Variants in TUB observed in about 807,000 individuals in gnomAD.
TUB encodes the protein TUB bipartite transcription factor.
Under a neutral mutation model 59.7 loss-of-function variants are expected in TUB, and 33 were observed. That is an observed-to-expected ratio of 0.55 (90% CI 0.42 to 0.74). The LOEUF (loss-of-function observed/expected upper bound fraction) is 0.74. Ranked by LOEUF, TUB falls within the 30% of genes least tolerant of loss-of-function variation. The probability of loss-of-function intolerance (pLI) is 0.00; values close to 1 mark genes in which losing one functional copy is unlikely to be tolerated. For synonymous variants in TUB, 293 were observed against 256.4 expected (o/e 1.14, Z -1.36); for missense variants, 659 against 672.0 (o/e 0.98, Z 0.21).
At chr11:8,019,287 G>A (rs1942382215) in exon 1 of TUB, 2 of 1,263,640 alleles carry the variant, frequency 1.6e-6, no homozygotes, top group South Asian at 3.3e-5. Context: ...AGCCCCGAGC[G>A]GAGCCGGAGG....
upstream of TUB, among the ~76,000 whole-genome samples, chr11:8,079,864 G>T (rs572851262): frequency 6.6e-6 from 1 of 152,272 alleles, no homozygotes; most frequent in South Asian, 2.1e-4. Context: ...CTGTGACTCA[G>T]TTCCTCTGCT....
At chr11:8,032,139 C>A (rs554740529) in intron 1 of TUB, among the ~76,000 whole-genome samples, 53 of 152,248 alleles carry the variant, frequency 3.5e-4, no homozygotes, top group South Asian at 1.7e-3. Flanking sequence ...TGGGGAAAGG[C>A]CTGGGGAAAG....
chr11:8,058,478 G>A (rs1943060272), intron 2 of TUB, among the ~76,000 whole-genome samples: 1 of 152,184 alleles, frequency 6.6e-6, no homozygotes, highest in African/African-American at 2.4e-5. Flanking sequence ...TGCACATTAA[G>A]ACCTGGTTTA....
rs113766217 is a variant in TUB, at chr11:8,081,268, C to G, written c.-243C>G. 0.28 allele frequency: 191,639 copies of G among 672,670 alleles called. 28,196 individuals carry two copies. The highest frequency in any genetic ancestry group is 0.39 in the East Asian group (2,849 of 7,372). The allele number at this position is 672,670 out of a possible 1,614,324, so 41.7% of individuals were successfully genotyped here. ...GGTGCGGTCGGCCTCCCCGCCTCCA[C>G]GCGCGCGCACGACCCGCGCACTCCC... On this transcript the variant is annotated 5_prime_UTR_variant, in exon 1 of 12. Coordinates refer to ENST00000299506, the MANE Select transcript of TUB (RefSeq NM_177972.3).
At chr11:8,056,985 CTG>C (rs1161989148) in intron 2 of TUB, among the ~76,000 whole-genome samples, 1 of 152,126 alleles carries the variant, frequency 6.6e-6, no homozygotes, top group African/African-American at 2.4e-5. Context: ...GTTGAGGAAA[CTG>C]AGGCCCACAG....
chr11:8,020,760 G>A (rs1942413028), intron 1 of TUB, among the ~76,000 whole-genome samples: 1 of 152,108 alleles, frequency 6.6e-6, no homozygotes, highest in East Asian at 1.9e-4. Context: ...TGCTCTCCAC[G>A]GAGAAGAACT....
intron 2 of TUB, among the ~76,000 whole-genome samples, chr11:8,043,843 T>C (rs747626120): frequency 2.6e-5 from 4 of 152,208 alleles, no homozygotes; most frequent in African/African-American, 4.8e-5. Flanking sequence ...GATTATGTCT[T>C]GTATGAGTAG....
upstream of TUB, chr11:8,077,711 T>C (rs1943472597): frequency 6.6e-6 from 1 of 152,364 alleles, no homozygotes; most frequent in Non-Finnish European, 1.5e-5. Flanking sequence ...GCCTCTTTTC[T>C]GTGTCCCCTT....
At chr11:8,063,455 G>T (rs984825721) in intron 2 of TUB, among the ~76,000 whole-genome samples, 3 of 152,230 alleles carry the variant, frequency 2.0e-5, no homozygotes, top group South Asian at 2.1e-4. Flanking sequence ...GGTTGAAGCT[G>T]GAGTCAGGCC....
At chr11:8,039,096 T>G in intron 1 of TUB, 1 of 1,559,664 alleles carries the variant, frequency 6.4e-7, no homozygotes, top group Non-Finnish European at 8.7e-7. Flanking sequence ...CCACCCACCC[T>G]CACTGACCTC....
At chr11:8,083,953 G>A (rs1943618958) in intron 1 of TUB, among the ~76,000 whole-genome samples, 1 of 152,170 alleles carries the variant, frequency 6.6e-6, no homozygotes, top group African/African-American at 2.4e-5. Flanking sequence ...GCATTAACTG[G>A]GCTGCTGATT....
At chr11:8,086,741 C>T (rs1240372074) in intron 1 of TUB, among the ~76,000 whole-genome samples, 2 of 152,126 alleles carry the variant, frequency 1.3e-5, no homozygotes, top group Non-Finnish European at 2.9e-5. Context: ...CCCCGGTGGC[C>T]GCCCCCCAGC....
chr11:8,049,586 G>A (rs78725703), intron 2 of TUB, among the ~76,000 whole-genome samples: 2 of 121,084 alleles, frequency 1.7e-5, no homozygotes, highest in African/African-American at 3.6e-5. Context: ...TATATAGATA[G>A]ATAGATAGAT....
rs1309718250 is a variant in TUB, at chr11:8,103,882, A to G, written c.*2263A>G. On this transcript the variant is annotated 3_prime_UTR_variant, in exon 12 of 12. Coordinates refer to ENST00000299506, the MANE Select transcript of TUB (RefSeq NM_177972.3). ...TGGAAAAATCAGAAGCACAAAGGAA[A>G]ACTCTTGGCCTCTGCTTTCTCCTGT... 6.6e-6 allele frequency: 1 copy of G among 152,268 alleles called. No individual in the cohort carries two copies. Among genetic ancestry groups the G allele is most frequent in the East Asian group, 1.9e-4 (1 of 5,198 alleles). 9.4% of individuals were successfully genotyped at this position (152,268 alleles called of 1,614,324 possible).
At chr11:8,026,551 TG>T (rs1396630492) in intron 1 of TUB, among the ~76,000 whole-genome samples, 2 of 152,184 alleles carry the variant, frequency 1.3e-5, no homozygotes, top group Non-Finnish European at 2.9e-5. Flanking sequence ...AAATTGCCTT[TG>T]TACCTTTATG....
chr11:8,095,856 G>A (rs923850379), intron 5 of TUB, among the ~76,000 whole-genome samples, 191 bp downstream of exon 5: 37 of 152,376 alleles, frequency 2.4e-4, no homozygotes, highest in African/African-American at 8.4e-4. Context: ...GGGAGGCCCT[G>A]ATTTGGGGGC....
At chr11:8,048,710 G>A (rs1942878799) in intron 2 of TUB, among the ~76,000 whole-genome samples, 1 of 152,086 alleles carries the variant, frequency 6.6e-6, no homozygotes, top group African/African-American at 2.4e-5. Context: ...CTGGCTGAAA[G>A]CTGTATTTTT....
chr11:8,065,662 C>T (rs371558201), intron 2 of TUB, among the ~76,000 whole-genome samples: 1 of 152,076 alleles, frequency 6.6e-6, no homozygotes, highest in Non-Finnish European at 1.5e-5. Flanking sequence ...CCACTCTAGA[C>T]GAGGTGGAGG....
intron 2 of TUB, among the ~76,000 whole-genome samples, chr11:8,042,853 GAT>G: frequency 6.6e-6 from 1 of 152,252 alleles, no homozygotes; most frequent in South Asian, 2.1e-4. Context: ...ACCCTTATCA[GAT>G]ATATGGTTTG....
Sources: gnomAD v4.1 joint callset for allele counts (sites outside exome capture counted in the v4.1 genomes callset) on GRCh38, gnomAD v4.1.1 for gene constraint, MANE v1.5 for transcripts, NCBI Gene and HGNC (gene_info 2026-07-23, HGNC 2026-07-21) for gene names.